Variants in RGS17 observed in about 807,000 individuals in gnomAD.
RGS17 encodes regulator of G-protein signaling 17.
In RGS17, 12 loss-of-function variants were observed where a neutral mutation model predicts 25.5. The observed-to-expected ratio is 0.47, with a 90% CI of 0.30 to 0.76. The LOEUF (loss-of-function observed/expected upper bound fraction) is 0.76, where lower values mean the gene tolerates loss of function less well. Among genes scored for constraint, RGS17 ranks in the 30% least tolerant of loss-of-function variants. The pLI, the probability that RGS17 is intolerant of heterozygous loss-of-function variation, is 0.07. For synonymous variants in RGS17, 71 were observed against 76.9 expected, an observed-to-expected ratio of 0.92 and a Z score of 0.40; for missense variants, 196 against 242.2, an observed-to-expected ratio of 0.81 and a Z score of 1.27.
At chr6:153,107,142 G>T (rs1303722116) in intron 1 of RGS17, among the ~76,000 whole-genome samples, 1 of 151,822 alleles carries the variant, frequency 6.6e-6, no homozygotes, top group Non-Finnish European at 1.5e-5. Context: ...AGACCAGCCT[G>T]GTCAACATGG....
chr6:153,031,113 G>A (rs1779357855), intron 2 of RGS17, among the ~76,000 whole-genome samples: 1 of 152,176 alleles, frequency 6.6e-6, no homozygotes, highest in Non-Finnish European at 1.5e-5. Flanking sequence ...TGCAGGGCTG[G>A]AGCAGGAGAA....
intron 4 of RGS17, 144 bp from the exon 5 acceptor site, chr6:153,011,906 C>A: frequency 1.7e-6 from 1 of 577,284 alleles, no homozygotes; most frequent in Non-Finnish European, 2.9e-6. Flanking sequence ...TTTGAGACTA[C>A]ACAACCTTAT....
intron 1 of RGS17, among the ~76,000 whole-genome samples, chr6:153,049,127 T>C (rs1776427033): frequency 6.6e-6 from 1 of 152,152 alleles, no homozygotes; most frequent in South Asian, 2.1e-4. Context: ...ACTTTACTAT[T>C]TACAAATGAT....
chr6:153,037,475 G>T (rs901484718), intron 2 of RGS17, among the ~76,000 whole-genome samples: 2 of 151,124 alleles, frequency 1.3e-5, no homozygotes, highest in African/African-American at 4.9e-5. Flanking sequence ...GCCCAGGCTG[G>T]AGTGCAGTGG....
chr6:153,006,865 T>C lies in RGS17; in HGVS notation c.*4709A>G, dbSNP rs1584114315. On this transcript the variant is annotated 3_prime_UTR_variant, in exon 5 of 5. Coordinates refer to ENST00000206262, the MANE Select transcript of RGS17 (RefSeq NM_012419.5). Reference sequence around the variant, plus strand: ...AGTCACATGAGACAGAAATATAACTTGAAATCAAATTTGTAATTTTAAGTT... The same window carrying C: ...AGTCACATGAGACAGAAATATAACTCGAAATCAAATTTGTAATTTTAAGTT... 1 of 152,212 alleles carries C rather than the reference T, an allele frequency of 6.6e-6. No homozygotes were observed. The highest frequency in any genetic ancestry group is 2.4e-5 in the African/African-American group (1 of 41,464). The allele number at this position is 152,212 out of a possible 1,614,324, so 9.4% of individuals were successfully genotyped here.
At position 153,006,150 on chromosome 6, in the gene RGS17, C is replaced by T. The variant is rs568215898; in HGVS notation, c.*5424G>A. The T allele has an allele frequency of 5.0e-4, 76 of 152,198 alleles. No homozygotes were observed. The highest frequency in any genetic ancestry group is 1.8e-3 in the African/African-American group (75 of 41,530). 9.4% of individuals were successfully genotyped at this position (152,198 alleles called of 1,614,324 possible). A position where few individuals can be genotyped will look rare whatever the true frequency, so the allele number is the denominator to read the frequency against. On this transcript the variant is annotated 3_prime_UTR_variant, in exon 5 of 5. Coordinates refer to ENST00000206262, the MANE Select transcript of RGS17 (RefSeq NM_012419.5). ...GTATGCGTGAGCCACCGTGCCTGGC[C>T]CATTACCACCTTTTATTAAGTTTTT...
At chr6:153,076,696 A>C (rs1237479032) in intron 1 of RGS17, among the ~76,000 whole-genome samples, 8 of 152,242 alleles carry the variant, frequency 5.3e-5, no homozygotes, top group Non-Finnish European at 1.5e-5. Context: ...TCCTGGCCAA[A>C]GTCAGAGTAA....
At chr6:153,072,678 G>A (rs1776822367) in intron 1 of RGS17, among the ~76,000 whole-genome samples, 1 of 152,206 alleles carries the variant, frequency 6.6e-6, no homozygotes, top group African/African-American at 2.4e-5. Flanking sequence ...AGTTATCACA[G>A]CTAGCAGAAG....
intron 1 of RGS17, among the ~76,000 whole-genome samples, chr6:153,091,804 T>G (rs1777136875): frequency 6.6e-6 from 1 of 152,042 alleles, no homozygotes; most frequent in African/African-American, 2.4e-5. Context: ...GGAGCCACCA[T>G]GCCCAGCCGG....
chr6:153,043,087 G>T (rs550679538), intron 2 of RGS17, among the ~76,000 whole-genome samples: 6 of 152,168 alleles, frequency 3.9e-5, no homozygotes, highest in Non-Finnish European at 7.3e-5. Flanking sequence ...GGCACTTTAC[G>T]AATCCGGAAC....
intron 1 of RGS17, among the ~76,000 whole-genome samples, chr6:153,055,817 G>T (rs369759279): frequency 4.6e-5 from 7 of 152,142 alleles, no homozygotes; most frequent in African/African-American, 1.4e-4. Flanking sequence ...AGAAATGAGG[G>T]GAAATTCTGC....
At chr6:153,080,625 T>C (rs922578230) in intron 1 of RGS17, among the ~76,000 whole-genome samples, 1 of 152,136 alleles carries the variant, frequency 6.6e-6, no homozygotes, top group African/African-American at 2.4e-5. Flanking sequence ...TAAATCATTA[T>C]TTCATTCTAA....
At chr6:153,050,798 T>C (rs1776451962) in intron 1 of RGS17, among the ~76,000 whole-genome samples, 4 of 152,224 alleles carry the variant, frequency 2.6e-5, no homozygotes, top group African/African-American at 9.6e-5. Context: ...CAACCTGTTA[T>C]GGACTGAATG....
At chr6:153,082,034 C>A (rs552154672) in intron 1 of RGS17, among the ~76,000 whole-genome samples, 1 of 152,246 alleles carries the variant, frequency 6.6e-6, no homozygotes, top group East Asian at 1.9e-4. Flanking sequence ...TTGTTTCTTT[C>A]AGCACTTTAA....
chr6:153,016,042 C>A (rs1487501921), intron 4 of RGS17, among the ~76,000 whole-genome samples: 1 of 152,148 alleles, frequency 6.6e-6, no homozygotes, highest in African/African-American at 2.4e-5. Flanking sequence ...TGTAACTGAA[C>A]CTGCAGTATT....
chr6:153,102,444 T>C (rs1777319711), intron 1 of RGS17, among the ~76,000 whole-genome samples: 1 of 152,234 alleles, frequency 6.6e-6, no homozygotes, highest in Non-Finnish European at 1.5e-5. Context: ...TATATATTGA[T>C]ACATATCTTT....
intron 1 of RGS17, among the ~76,000 whole-genome samples, chr6:153,076,871 T>C: frequency 6.6e-6 from 1 of 152,286 alleles, no homozygotes; most frequent in East Asian, 1.9e-4. Context: ...AATAAAATAA[T>C]TGATTTACTC....
chr6:153,018,021 T>C (rs1432595272), intron 4 of RGS17, among the ~76,000 whole-genome samples: 1 of 152,248 alleles, frequency 6.6e-6, no homozygotes, highest in East Asian at 1.9e-4. Context: ...GTGCTTGTTA[T>C]TTCTCCTGAA....
At chr6:153,105,928 TTG>T (rs1777373965) in intron 1 of RGS17, among the ~76,000 whole-genome samples, 1 of 152,036 alleles carries the variant, frequency 6.6e-6, no homozygotes, top group African/African-American at 2.4e-5. Context: ...TGTGAACACT[TTG>T]GCACCTGCAT....
Sources: allele counts gnomAD v4.1 joint callset (sites outside exome capture counted in the v4.1 genomes callset), GRCh38; gene constraint gnomAD v4.1.1; transcripts MANE v1.5; gene names NCBI Gene and HGNC (gene_info 2026-07-23, HGNC 2026-07-21).